Variants in PKD1L1 observed in about 807,000 individuals in gnomAD.
The protein encoded by PKD1L1 is polycystin 1 like 1, transient receptor potential channel interacting.
Under a neutral mutation model 323.4 loss-of-function variants are expected in PKD1L1, and 236 were observed. That is an observed-to-expected ratio of 0.73 (90% CI 0.66 to 0.81). The LOEUF is 0.81. Ranked by LOEUF, PKD1L1 falls within the 40% of genes least tolerant of loss-of-function variation. The pLI is 0.00. For synonymous variants in PKD1L1, 1,344 were observed against 1,335.0 expected, an observed-to-expected ratio of 1.01 and a Z score of -0.15; for missense variants, 3,320 against 3,508.0, an observed-to-expected ratio of 0.95 and a Z score of 1.35.
intron 40 of PKD1L1, 99 bp downstream of exon 40, chr7:47,834,240 A>G: frequency 2.4e-6 from 3 of 1,225,176 alleles, no homozygotes; most frequent in Non-Finnish European, 3.5e-6. Flanking sequence ...AGCCTGACCC[A>G]TCCATGGCCA....
intron 26 of PKD1L1, 110 bp downstream of exon 26, chr7:47,865,106 T>A: frequency 9.2e-6 from 7 of 761,872 alleles, no homozygotes; most frequent in Non-Finnish European, 1.5e-5. Flanking sequence ...ATCACATTTC[T>A]AATCTAAGTG....
chr7:47,877,421 T>A (rs1786431836), intron 22 of PKD1L1, 68 bp downstream of exon 22: 1 of 1,582,290 alleles, frequency 6.3e-7, no homozygotes, highest in Non-Finnish European at 8.6e-7. Context: ...ACAGCACCCG[T>A]GACTGCTGTG....
rs535201136 is a variant in PKD1L1, at chr7:47,790,487, T to C, written c.8526+2140A>G. ...CTGGGACTACAGGCGCCCGCCACCA[T>C]ACTCGGCTAATTTTTTTGTATTTTT... On this transcript the variant is annotated intron_variant, in intron 56 of 56. Coordinates refer to ENST00000289672, the MANE Select transcript of PKD1L1 (RefSeq NM_138295.5). Among the ~76,000 whole-genome samples the C allele has an allele frequency of 7.9e-5, 12 of 150,966 alleles. No homozygotes were observed. In the South Asian group the frequency reaches 2.3e-3, roughly 29 times the overall value.
Position 47,898,028 on chromosome 7 carries a change from C to A in PKD1L1, c.2231G>T (p.Ser744Ile). ...GTAGTTCCCATACTCCAAGGTGTGG[C>A]TCGGGAGGATGAGGGTCTGTCTGTG... is the stretch of plus-strand genomic sequence containing the variant. Reference protein sequence around the residue: ...DTHRQTLILPSHTLEYGNYTA... With the variant: ...DTHRQTLILPIHTLEYGNYTA... Residue 744 changes from serine to isoleucine, a missense_variant, in exon 14 of 57, where the codon AGC (serine) becomes ATC (isoleucine). Coordinates refer to ENST00000289672, the MANE Select transcript of PKD1L1 (RefSeq NM_138295.5). 1 of 1,612,936 alleles carries A rather than the reference C, an allele frequency of 6.2e-7. No individual in the cohort carries two copies. Among genetic ancestry groups the A allele is most frequent in the Non-Finnish European group, 8.5e-7 (1 of 1,179,924 alleles).
At chr7:47,836,046 C>T (rs1279024941) in intron 37 of PKD1L1, among the ~76,000 whole-genome samples, 2 of 152,156 alleles carry the variant, frequency 1.3e-5, no homozygotes, top group African/African-American at 2.4e-5. Context: ...AGAGGCCGAC[C>T]GTAGGTTTCC....
At chr7:47,939,371 G>A (rs1268187330) in intron 3 of PKD1L1, among the ~76,000 whole-genome samples, 1 of 152,174 alleles carries the variant, frequency 6.6e-6, no homozygotes, top group Non-Finnish European at 1.5e-5. Flanking sequence ...GAGGTTCTGG[G>A]AGCTTCAAAG....
At chr7:47,846,327 A>G (rs1785664221) in intron 32 of PKD1L1, among the ~76,000 whole-genome samples, 1 of 152,226 alleles carries the variant, frequency 6.6e-6, no homozygotes, top group Non-Finnish European at 1.5e-5. Context: ...ATTTAGTGAC[A>G]TGACTCATAT....
chr7:47,809,270 C>T lies in PKD1L1; in HGVS notation c.7686+203G>A, dbSNP rs17710723. 22,188 of 457,194 alleles carry T rather than the reference C, an allele frequency of 0.049. 694 individuals are homozygous for T. Among genetic ancestry groups the T allele is most frequent in the South Asian group, 0.11 (3,178 of 28,566 alleles). 28.3% of individuals were successfully genotyped at this position (457,194 alleles called of 1,614,324 possible). A position where few individuals can be genotyped will look rare whatever the true frequency, so the allele number is the denominator to read the frequency against. On this transcript the variant is annotated intron_variant, in intron 51 of 56. Coordinates refer to ENST00000289672, the MANE Select transcript of PKD1L1 (RefSeq NM_138295.5). ...TGGGACCACCACCTTGGCTGAAATT[C>T]GTGTGGTACATGACGGTAACTGTAA...
At chr7:47,865,680 G>T (rs1483626015) in intron 25 of PKD1L1, among the ~76,000 whole-genome samples, 1 of 151,830 alleles carries the variant, frequency 6.6e-6, no homozygotes, top group Non-Finnish European at 1.5e-5. Context: ...CTGCCTCCCG[G>T]GTTCATGCCA....
At chr7:47,830,157 C>A (rs1583602615) in intron 42 of PKD1L1, 33 bp from the exon 43 acceptor site, 5 of 1,584,540 alleles carry the variant, frequency 3.2e-6, no homozygotes, top group Non-Finnish European at 4.3e-6. Context: ...GGTCAGCCCC[C>A]TCTAAGGGAG....
At chr7:47,880,282 ATATTTTTTT>A (rs1485727805) in intron 21 of PKD1L1, among the ~76,000 whole-genome samples, 2 of 69,742 alleles carry the variant, frequency 2.9e-5, no homozygotes, top group African/African-American at 1.6e-4. Context: ...ATATATATAT[ATATTTTTTT>A]TTTTTTTTTT....
At chr7:47,876,860 A>T (rs1177356493) in intron 22 of PKD1L1, among the ~76,000 whole-genome samples, 1 of 151,790 alleles carries the variant, frequency 6.6e-6, no homozygotes, top group Non-Finnish European at 1.5e-5. Flanking sequence ...GCTCACTGCA[A>T]CCTCCGCCTC....
intron 8 of PKD1L1, among the ~76,000 whole-genome samples, chr7:47,913,117 C>T (rs989071642): frequency 3.3e-5 from 5 of 152,074 alleles, no homozygotes; most frequent in Admixed American, 3.3e-4. Context: ...AATGGAAAGA[C>T]AACCAGATTC....
chr7:47,908,441 C>T (rs1469574725), intron 8 of PKD1L1, among the ~76,000 whole-genome samples, 191 bp from the exon 9 acceptor site: 2 of 152,178 alleles, frequency 1.3e-5, no homozygotes, highest in African/African-American at 2.4e-5. Flanking sequence ...GAGCCCCTCA[C>T]GCAATGGAGC....
At position 47,948,388 on chromosome 7, in the gene PKD1L1, A is replaced by G. The variant is rs142601530; in HGVS notation, c.44+9T>C. On this transcript the variant is annotated intron_variant, in intron 1 of 56. Transcript: ENST00000289672. Reference sequence around the variant, plus strand: ...CTTACCAAACCCTCTGAGAACAGTGATAACTCACCTTTCCTGGTCATCAGA... The same window carrying G: ...CTTACCAAACCCTCTGAGAACAGTGGTAACTCACCTTTCCTGGTCATCAGA... 1.2e-6 allele frequency: 2 copies of G among 1,614,014 alleles called. No homozygotes were observed. Among genetic ancestry groups the G allele is most frequent in the Non-Finnish European group, 1.7e-6 (2 of 1,180,006 alleles).
At chr7:47,895,156 G>A (rs1185163293) in intron 14 of PKD1L1, among the ~76,000 whole-genome samples, 1 of 152,212 alleles carries the variant, frequency 6.6e-6, no homozygotes, top group Non-Finnish European at 1.5e-5. Flanking sequence ...ATGCAGGGCT[G>A]TTCAGGAGCA....
At chr7:47,806,038 G>T (rs1194093621) in intron 52 of PKD1L1, among the ~76,000 whole-genome samples, 1 of 152,198 alleles carries the variant, frequency 6.6e-6, no homozygotes, top group Non-Finnish European at 1.5e-5. Flanking sequence ...AGTTTTTCTG[G>T]CAGGGGCAGG....
chr7:47,783,360 C>A (rs1283974478), intron 56 of PKD1L1, among the ~76,000 whole-genome samples: 1 of 152,096 alleles, frequency 6.6e-6, no homozygotes, highest in South Asian at 2.1e-4. Context: ...GAAGAGTTTG[C>A]TAATTTTTTG....
the PKD1L1 span, among the ~76,000 whole-genome samples, chr7:47,958,766 A>AAAAAC: frequency 4.2e-4 from 64 of 151,996 alleles, no homozygotes; most frequent in African/African-American, 1.4e-3. Context: ...AACCCTGTTT[A>AAAAAC]AAAATGGTCA....
Sources: gnomAD v4.1 joint callset for allele counts (sites outside exome capture counted in the v4.1 genomes callset) on GRCh38, gnomAD v4.1.1 for gene constraint, MANE v1.5 for transcripts, NCBI Gene and HGNC (gene_info 2026-07-23, HGNC 2026-07-21) for gene names.